Variants in AGO2 observed in about 807,000 individuals in gnomAD.
AGO2 encodes protein argonaute-2.
In AGO2, 5 loss-of-function variants were observed where a neutral mutation model predicts 102.3. The observed-to-expected ratio is 0.05, with a 90% confidence interval of 0.03 to 0.10. AGO2 has a LOEUF of 0.10. Ranked by LOEUF, AGO2 falls within the 10% of genes least tolerant of loss-of-function variation. The pLI is 1.00. For synonymous variants in AGO2, 449 were observed against 473.1 expected (o/e 0.95, Z 0.66); for missense variants, 541 against 1,183.7 (o/e 0.46, Z 7.97).
chr8:140,610,875 GA>G (rs2074066857), intron 1 of AGO2, among the ~76,000 whole-genome samples: 1 of 152,252 alleles, frequency 6.6e-6, no homozygotes, highest in Admixed American at 6.5e-5. Context: ...ATGCAGATGA[GA>G]TTTTAGATTC....
At chr8:140,608,025 T>TC (rs1188692858) in intron 1 of AGO2, among the ~76,000 whole-genome samples, 1 of 152,120 alleles carries the variant, frequency 6.6e-6, no homozygotes, top group African/African-American at 2.4e-5. Context: ...ACTGATACCT[T>TC]CCCCTGTGGC....
intron 1 of AGO2, among the ~76,000 whole-genome samples, chr8:140,610,780 G>A (rs1023702875): frequency 6.6e-6 from 1 of 152,102 alleles, no homozygotes; most frequent in Non-Finnish European, 1.5e-5. Flanking sequence ...CCCCCCATAT[G>A]CTCAAAGCAA....
At chr8:140,607,462 A>C (rs1337900050) in intron 1 of AGO2, among the ~76,000 whole-genome samples, 1 of 2,478 alleles carries the variant, frequency 4.0e-4, no homozygotes, top group South Asian at 0.016. Flanking sequence ...GAAAAATTAT[A>C]TATATATATA....
At chr8:140,626,645 C>A (rs1355818167) in intron 1 of AGO2, 2 of 152,328 alleles carry the variant, frequency 1.3e-5, no homozygotes, top group Non-Finnish European at 2.9e-5. Flanking sequence ...GTGAGGTGGG[C>A]CTGACCTGAG....
chr8:140,600,680 C>CAA (rs34175261), intron 1 of AGO2, among the ~76,000 whole-genome samples: 4,807 of 129,076 alleles, frequency 0.037, 287 homozygotes, highest in African/African-American at 0.12. Context: ...AACTCCGTGT[C>CAA]AAAAAAAAAA....
In AGO2 at chr8:140,529,112, C is replaced by T. The variant is rs1311872866; in HGVS notation, c.*2932G>A. 6.6e-6 allele frequency: 1 copy of T among 152,232 alleles called. No homozygotes were observed. Among genetic ancestry groups the T allele is most frequent in the Non-Finnish European group, 1.5e-5 (1 of 68,048 alleles). 9.4% of individuals were successfully genotyped at this position (152,232 alleles called of 1,614,324 possible). ...ATTTTCACATTCAGTTTGCTTAAAGCAAGGCACACCTTACTTAACAGTGGG... is the reference window on the plus strand; with the variant it reads ...ATTTTCACATTCAGTTTGCTTAAAGTAAGGCACACCTTACTTAACAGTGGG... On this transcript the variant is annotated 3_prime_UTR_variant, in exon 19 of 19. Transcript: ENST00000220592.
intron 1 of AGO2, among the ~76,000 whole-genome samples, chr8:140,611,529 T>A (rs1264336941): frequency 6.6e-6 from 1 of 152,036 alleles, no homozygotes; most frequent in Non-Finnish European, 1.5e-5. Context: ...GGTTTCACCA[T>A]GTTGGCCAGG....
intron 1 of AGO2, among the ~76,000 whole-genome samples, chr8:140,605,268 T>C (rs1407780271): frequency 6.6e-6 from 1 of 152,146 alleles, no homozygotes. Flanking sequence ...CTAATTTTTT[T>C]GTATTTTCGG....
Position 140,529,589 on chromosome 8 carries a change from A to AT in AGO2, c.*2454dup, listed in dbSNP as rs750654531. On this transcript the variant is annotated 3_prime_UTR_variant, in exon 19 of 19. Transcript: ENST00000220592. ...AAAATGAAAGTTTTCCTTCAAAATG[A>AT]TTAAAAAAAACAAAAATTGTAGTCC... The AT allele has an allele frequency of 2.0e-5, 3 of 152,120 alleles. No homozygotes were observed. Among genetic ancestry groups the AT allele is most frequent in the Non-Finnish European group, 4.4e-5 (3 of 68,022 alleles). 9.4% of individuals were successfully genotyped at this position (152,120 alleles called of 1,614,324 possible). A position where few individuals can be genotyped will look rare whatever the true frequency, so the allele number is the denominator to read the frequency against.
chr8:140,626,202 G>A (rs957770255), intron 1 of AGO2, among the ~76,000 whole-genome samples: 31 of 152,178 alleles, frequency 2.0e-4, no homozygotes, highest in African/African-American at 7.5e-4. Flanking sequence ...GGGGTCCGGC[G>A]CACCTGGGTC....
chr8:140,550,563 G>T (rs1358193277), intron 11 of AGO2, among the ~76,000 whole-genome samples: 1 of 152,146 alleles, frequency 6.6e-6, no homozygotes, highest in African/African-American at 2.4e-5. Flanking sequence ...CACTCCTCTT[G>T]TCTGGGAAGG....
chr8:140,608,738 C>A (rs537238710), intron 1 of AGO2, among the ~76,000 whole-genome samples: 1 of 152,364 alleles, frequency 6.6e-6, no homozygotes, highest in African/African-American at 2.4e-5. Flanking sequence ...ACCCCTTAAA[C>A]GTCCTGCATC....
chr8:140,586,647 G>A (rs954148535), intron 1 of AGO2, among the ~76,000 whole-genome samples: 4 of 152,178 alleles, frequency 2.6e-5, no homozygotes, highest in Admixed American at 1.3e-4. Flanking sequence ...GACCCTGACC[G>A]TGACAGGGAG....
intron 1 of AGO2, among the ~76,000 whole-genome samples, chr8:140,630,688 T>C (rs1220337415): frequency 3.3e-5 from 5 of 152,130 alleles, no homozygotes; most frequent in African/African-American, 1.2e-4. Context: ...AAAGAATCCC[T>C]CTTATTTGAA....
Position 140,530,288 on chromosome 8 carries a change from A to G in AGO2, c.*1756T>C, listed in dbSNP as rs1216138270. 1.4e-5 allele frequency: 2 copies of G among 146,242 alleles called. No individual in the cohort carries two copies. Among genetic ancestry groups the G allele is most frequent in the African/African-American group, 5.0e-5 (2 of 39,774 alleles). 9.1% of individuals were successfully genotyped at this position (146,242 alleles called of 1,614,324 possible). ...GCTTGCTGCCCCTCCTGCTGCCTCCAAAGCAGCTGAGCACAAAGGTGGGGG... is the reference window on the plus strand; with the variant it reads ...GCTTGCTGCCCCTCCTGCTGCCTCCGAAGCAGCTGAGCACAAAGGTGGGGG... On this transcript the variant is annotated 3_prime_UTR_variant, in exon 19 of 19. Coordinates refer to ENST00000220592, the MANE Select transcript of AGO2 (RefSeq NM_012154.5).
At chr8:140,580,234 AGG>A (rs2073535302) in intron 2 of AGO2, among the ~76,000 whole-genome samples, 1 of 152,256 alleles carries the variant, frequency 6.6e-6, no homozygotes, top group African/African-American at 2.4e-5. Flanking sequence ...GCCCCGGGAA[AGG>A]GGTGGACTAT....
intron 1 of AGO2, among the ~76,000 whole-genome samples, chr8:140,612,129 A>C (rs2074085714): frequency 6.7e-6 from 1 of 149,354 alleles, no homozygotes; most frequent in Non-Finnish European, 1.5e-5. Context: ...AGGCTGAGGC[A>C]GGAGAATCGC....
chr8:140,605,765 ACT>A (rs1037304634), intron 1 of AGO2: 3 of 152,218 alleles, frequency 2.0e-5, no homozygotes, highest in African/African-American at 7.2e-5. Flanking sequence ...AATTAAGGGC[ACT>A]CTGCAGGAAG....
At chr8:140,593,968 A>G (rs1214725535) in intron 1 of AGO2, among the ~76,000 whole-genome samples, 1 of 152,244 alleles carries the variant, frequency 6.6e-6, no homozygotes, top group Non-Finnish European at 1.5e-5. Flanking sequence ...AGGTTCACTC[A>G]GTTCCATCTG....
Sources: allele counts gnomAD v4.1 joint callset (sites outside exome capture counted in the v4.1 genomes callset), GRCh38; gene constraint gnomAD v4.1.1; transcripts MANE v1.5; gene names NCBI Gene and HGNC (gene_info 2026-07-23, HGNC 2026-07-21).